Variants in ADD1 observed in about 807,000 individuals in gnomAD.
The protein encoded by ADD1 is alpha-adducin.
Under a neutral mutation model 80.5 loss-of-function variants are expected in ADD1, and 24 were observed. The observed-to-expected ratio is 0.30, with a 90% confidence interval of 0.22 to 0.42. The LOEUF (loss-of-function observed/expected upper bound fraction) is 0.42, where lower values mean the gene tolerates loss of function less well. Ranked by LOEUF, ADD1 falls within the 10% of genes least tolerant of loss-of-function variation. The pLI, the probability that ADD1 is intolerant of heterozygous loss-of-function variation, is 1.00. For synonymous variants in ADD1, 373 were observed against 393.8 expected (o/e 0.95, Z 0.63); for missense variants, 948 against 1,019.0 (o/e 0.93, Z 0.95).
chr4:2,887,202 GTTTAT>G (rs1256069971), intron 4 of ADD1, among the ~76,000 whole-genome samples: 4 of 152,220 alleles, frequency 2.6e-5, no homozygotes, highest in Admixed American at 2.6e-4. Flanking sequence ...AAAGGTTTTG[GTTTAT>G]TTTGTTTTAC....
intron 3 of ADD1, among the ~76,000 whole-genome samples, chr4:2,883,484 T>G (rs908390849): frequency 1.3e-5 from 2 of 152,150 alleles, no homozygotes; most frequent in Admixed American, 1.3e-4. Flanking sequence ...TTAGTCTTTC[T>G]TCTTTAGTTT....
At chr4:2,897,481 T>C (rs1735435731) in intron 6 of ADD1, among the ~76,000 whole-genome samples, 1 of 149,976 alleles carries the variant, frequency 6.7e-6, no homozygotes, top group Non-Finnish European at 1.5e-5. Flanking sequence ...TGTTTCAATG[T>C]TATCTACAAC....
chr4:2,881,743 C>T, intron 2 of ADD1, 155 bp from the exon 3 acceptor site: 1 of 483,712 alleles, frequency 2.1e-6, no homozygotes, highest in Non-Finnish European at 3.6e-6. Context: ...AAGAATGTAC[C>T]AGTTTATATT....
chr4:2,904,800 C>A lies in ADD1; in HGVS notation c.1198C>A (p.Leu400Met). The A allele has an allele frequency of 6.2e-7, 1 of 1,614,202 alleles. No individual in the cohort carries two copies. Reference protein sequence around the residue: ...RTGYPYRYPALREKSKKYSDV... With the variant: ...RTGYPYRYPAMREKSKKYSDV... ...TGGCTACCCTTATCGATACCCTGCT[C>A]TGAGAGAGAAGTCTAAAAAATACAG... The change falls in exon 10 of 16, where the codon CTG becomes ATG. Residue 400 changes from leucine (L) to methionine (M), a missense_variant. Leu to Met is a conservative substitution (Grantham distance 15). Coordinates refer to ENST00000683351, the MANE Select transcript of ADD1 (RefSeq NM_001354761.2).
chr4:2,920,454 G>C (rs1739813828), intron 14 of ADD1, among the ~76,000 whole-genome samples: 1 of 152,170 alleles, frequency 6.6e-6, no homozygotes, highest in Admixed American at 6.5e-5. Flanking sequence ...CTATTATTGT[G>C]TGGGAGTCTG....
chr4:2,927,102 G>A (rs548457172), intron 15 of ADD1, among the ~76,000 whole-genome samples: 3 of 152,360 alleles, frequency 2.0e-5, no homozygotes, highest in East Asian at 1.9e-4. Flanking sequence ...GCAGAGGAGC[G>A]GATATTGGAC....
intron 1 of ADD1, among the ~76,000 whole-genome samples, chr4:2,847,203 G>A (rs537622723): frequency 2.0e-5 from 3 of 151,892 alleles, no homozygotes; most frequent in East Asian, 3.9e-4. Flanking sequence ...CAGGTGGATC[G>A]CCTGAGGTCA....
Position 2,926,275 on chromosome 4 carries a change from G to A in ADD1, c.2047+163G>A, listed in dbSNP as rs1319573817. The A allele has an allele frequency of 2.7e-6, 2 of 752,754 alleles. No individual in the cohort carries two copies. Among genetic ancestry groups the A allele is most frequent in the Middle Eastern group, 2.3e-4 (1 of 4,442 alleles). The allele number at this position is 752,754 out of a possible 1,614,324, so 46.6% of individuals were successfully genotyped here. A position where few individuals can be genotyped will look rare whatever the true frequency, so the allele number is the denominator to read the frequency against. On this transcript the variant is annotated intron_variant, in intron 15 of 15. Transcript: ENST00000683351. The surrounding 1 kb of genome is among the most constrained non-coding windows in gnomAD (Gnocchi z 5.0). ...TCCTCCTATATTGCTTCTGTCCTGG[G>A]TAACTCCAGGCAAAACAGATTTGTA... is the stretch of plus-strand genomic sequence containing the variant.
chr4:2,869,841 C>G (rs889651859), intron 1 of ADD1, among the ~76,000 whole-genome samples: 16 of 152,140 alleles, frequency 1.1e-4, no homozygotes, highest in African/African-American at 3.4e-4. Flanking sequence ...TTGACAATTC[C>G]AAAGGCTCTC....
rs1553815278 is a variant in ADD1, at chr4:2,852,202, T to TC, written c.-21+8179dup. ...TCTTTCTTTCTTTCTTTCTTTCCTT[T>TC]CTTTCCTTTCCTTTCTTTCCTTTCT... is the stretch of plus-strand genomic sequence containing the variant. On this transcript the variant is annotated intron_variant, in intron 1 of 15. Coordinates refer to ENST00000683351, the MANE Select transcript of ADD1 (RefSeq NM_001354761.2). Among the ~76,000 whole-genome samples, 1,022 of 109,780 alleles carry TC rather than the reference T, an allele frequency of 9.3e-3. 15 individuals are homozygous for TC. Among genetic ancestry groups the TC allele is most frequent in the Admixed American group, 0.029 (325 of 11,368 alleles). The allele number at this position is 109,780 out of a possible 152,430, so 72.0% of individuals were successfully genotyped here. A position where few individuals can be genotyped will look rare whatever the true frequency, so the allele number is the denominator to read the frequency against.
intron 2 of ADD1, among the ~76,000 whole-genome samples, chr4:2,876,688 A>T (rs1002229018): frequency 2.0e-5 from 3 of 152,130 alleles, no homozygotes; most frequent in Non-Finnish European, 2.9e-5. Flanking sequence ...TACAAAAAAA[A>T]ATTAGCCAGG....
intron 1 of ADD1, among the ~76,000 whole-genome samples, chr4:2,848,151 G>A (rs1438117616): frequency 1.3e-5 from 2 of 151,386 alleles, no homozygotes; most frequent in Non-Finnish European, 2.9e-5. Context: ...GGAGGCGGAG[G>A]TTACAGTGAG....
chr4:2,926,147 A>C lies in ADD1; in HGVS notation c.2047+35A>C. 1.9e-6 allele frequency: 3 copies of C among 1,578,104 alleles called. No individual in the cohort carries two copies. The highest frequency in any genetic ancestry group is 2.6e-6 in the Non-Finnish European group (3 of 1,147,836). ...GGGTGGCAGCGGCCGCCACTGTGGG[A>C]GGGTGCACGGCTCGTGCGCGCTGTG... On this transcript the variant is annotated intron_variant, in intron 15 of 15. Coordinates refer to ENST00000683351, the MANE Select transcript of ADD1 (RefSeq NM_001354761.2). This position sits in a 1 kb window ranked among gnomAD's most constrained non-coding sequence, Gnocchi z 5.0.
At chr4:2,904,739 G>A (rs756734723) in intron 9 of ADD1, 25 bp from the exon 10 acceptor site, 1 of 1,588,706 alleles carries the variant, frequency 6.3e-7, no homozygotes, top group Non-Finnish European at 8.6e-7. Context: ...AATATTGACT[G>A]TCTTTCACTC....
chr4:2,845,512 G>A (rs1726067115), intron 1 of ADD1, among the ~76,000 whole-genome samples: 3 of 152,182 alleles, frequency 2.0e-5, no homozygotes, highest in African/African-American at 7.2e-5. Context: ...GGTATGGACA[G>A]CTGGTATGAT....
intron 14 of ADD1, among the ~76,000 whole-genome samples, chr4:2,919,242 C>T (rs1263340): frequency 0.8 from 122,138 of 152,128 alleles, 49,280 homozygotes; most frequent in Middle Eastern, 0.86. Flanking sequence ...GCCAGTATTT[C>T]ATTGAGGATT....
At chr4:2,891,255 C>G (rs1734256706) in intron 4 of ADD1, among the ~76,000 whole-genome samples, 1 of 152,048 alleles carries the variant, frequency 6.6e-6, no homozygotes, top group South Asian at 2.1e-4. Flanking sequence ...GAGTTTGAGA[C>G]CAGCCTGGCT....
At chr4:2,885,258 C>T (rs1365515223) in intron 4 of ADD1, among the ~76,000 whole-genome samples, 1 of 152,194 alleles carries the variant, frequency 6.6e-6, no homozygotes, top group African/African-American at 2.4e-5. Context: ...TCTGCCAATC[C>T]TGTACTCTCC....
rs756975353 is a variant in ADD1 at position 2,914,986 on chromosome 4, C to T, written c.1894C>T (p.Arg632Cys). The change falls in exon 14 of 16, where the codon CGT (arginine) becomes TGT (cysteine). Residue 632 changes from arginine (R) to cysteine (C), a missense_variant. Transcript: ENST00000683351. ...GPNPFTTLTD[R>C]ELEEYRREVE... ...CAACCCCTTCACCACACTCACAGAC[C>T]GTGAGCTGGAGGAGTACCGCAGGGA... 24 of 1,613,964 alleles carry T rather than the reference C, an allele frequency of 1.5e-5. No homozygotes were observed. Among genetic ancestry groups the T allele is most frequent in the Non-Finnish European group, 1.8e-5 (21 of 1,179,986 alleles).
Sources: allele counts gnomAD v4.1 joint callset (sites outside exome capture counted in the v4.1 genomes callset), GRCh38; gene constraint gnomAD v4.1.1; non-coding constraint Gnocchi (gnomAD v3.1); transcripts MANE v1.5; gene names NCBI Gene and HGNC (gene_info 2026-07-23, HGNC 2026-07-21).